Variants in CAST observed in about 807,000 individuals in gnomAD.
The protein encoded by CAST is MIR583 host.
A neutral mutation model predicts 119.6 loss-of-function variants in CAST; 76 were observed. The observed-to-expected ratio is 0.64, with a 90% CI of 0.53 to 0.77. CAST has a LOEUF of 0.77. Among genes scored for constraint, CAST ranks in the 30% least tolerant of loss-of-function variants. The pLI is 0.00. For missense variants in CAST, 953 were observed against 946.5 expected, an observed-to-expected ratio of 1.01 and a Z score of -0.09; for synonymous variants, 319 against 331.6, an observed-to-expected ratio of 0.96 and a Z score of 0.41.
At chr5:96,049,900 A>G in the CAST span, among the ~76,000 whole-genome samples, 3 of 140,288 alleles carry the variant, frequency 2.1e-5, no homozygotes, top group Non-Finnish European at 4.6e-5. Flanking sequence ...AAAAAAAAAA[A>G]AAAAAAAAAA....
intron 1 of CAST, among the ~76,000 whole-genome samples, chr5:96,552,444 T>C (rs1746151624): frequency 6.6e-6 from 1 of 152,168 alleles, no homozygotes; most frequent in African/African-American, 2.4e-5. Flanking sequence ...TTTATAGCAC[T>C]ATATGCCCAC....
chr5:96,467,925 A>G, the CAST span, among the ~76,000 whole-genome samples: 1 of 152,184 alleles, frequency 6.6e-6, no homozygotes, highest in African/African-American at 2.4e-5. Context: ...TTAAAAAGGC[A>G]CCTACATGCC....
chr5:96,608,841 G>A (rs1204278121), intron 1 of CAST, among the ~76,000 whole-genome samples: 3 of 152,110 alleles, frequency 2.0e-5, no homozygotes, highest in African/African-American at 7.2e-5. Context: ...AGAAGAAAGA[G>A]CAGGAGGAGG....
chr5:96,580,816 C>T (rs1020819811), intron 1 of CAST, among the ~76,000 whole-genome samples: 2 of 152,206 alleles, frequency 1.3e-5, no homozygotes, highest in Non-Finnish European at 2.9e-5. Flanking sequence ...ATGTTTCTGT[C>T]TCCTCAAAAA....
chr5:96,044,214 T>C, the CAST span, among the ~76,000 whole-genome samples: 1 of 152,256 alleles, frequency 6.6e-6, no homozygotes, highest in East Asian at 1.9e-4. Flanking sequence ...TGTCCCATTC[T>C]CTTCCTTAAT....
chr5:96,190,484 GC>G, the CAST span, among the ~76,000 whole-genome samples: 1 of 152,066 alleles, frequency 6.6e-6, no homozygotes, highest in African/African-American at 2.4e-5. Flanking sequence ...CTTTGCTGTG[GC>G]CCCTTCTGCT....
At chr5:96,434,799 T>G in the CAST span, among the ~76,000 whole-genome samples, 1 of 152,198 alleles carries the variant, frequency 6.6e-6, no homozygotes, top group Non-Finnish European at 1.5e-5. Context: ...GGCTCTGTAG[T>G]GCTAATTTTT....
the CAST span, among the ~76,000 whole-genome samples, chr5:96,228,272 T>C: frequency 1.3e-5 from 2 of 152,224 alleles, no homozygotes; most frequent in Non-Finnish European, 2.9e-5. Flanking sequence ...TAATTGTCTT[T>C]ATTTCATAGG....
intron 2 of CAST, among the ~76,000 whole-genome samples, chr5:96,685,311 A>G (rs1200711847): frequency 6.6e-6 from 1 of 152,200 alleles, no homozygotes; most frequent in Admixed American, 6.5e-5. Flanking sequence ...ATTATTCCAG[A>G]AATAACATGT....
the CAST span, among the ~76,000 whole-genome samples, chr5:96,298,356 AAATT>A: frequency 6.6e-6 from 1 of 152,210 alleles, no homozygotes; most frequent in African/African-American, 2.4e-5. Flanking sequence ...ACAATCCAAT[AAATT>A]AATCTTTGTT....
At chr5:96,444,640 A>G in the CAST span, among the ~76,000 whole-genome samples, 1 of 152,148 alleles carries the variant, frequency 6.6e-6, no homozygotes, top group African/African-American at 2.4e-5. Context: ...GTTTTATTTT[A>G]TAAATGTTCC....
the CAST span, among the ~76,000 whole-genome samples, chr5:96,176,109 A>G: frequency 6.6e-6 from 1 of 152,186 alleles, no homozygotes; most frequent in Non-Finnish European, 1.5e-5. Context: ...TGAAGGACAA[A>G]GAGAATTTTC....
the CAST span, among the ~76,000 whole-genome samples, chr5:96,399,462 G>C: frequency 6.6e-6 from 1 of 152,096 alleles, no homozygotes; most frequent in Non-Finnish European, 1.5e-5. Flanking sequence ...ACAAGATGTG[G>C]TGTGCTAGAG....
upstream of CAST, chr5:96,529,790 TG>T: frequency 2.3e-6 from 1 of 439,568 alleles, no homozygotes. Flanking sequence ...TCCCCTTTGC[TG>T]GGCATTCATT....
chr5:96,069,141 CTGTATGTATATATGTATACATTGG>C, the CAST span, among the ~76,000 whole-genome samples: 7 of 146,844 alleles, frequency 4.8e-5, no homozygotes, highest in Non-Finnish European at 7.5e-5. Context: ...AAACCAAGAG[CTGTATGTATATATGTATACATTGG>C]TGTATGTATA....
intron 1 of CAST, among the ~76,000 whole-genome samples, chr5:96,656,367 G>A (rs1748158432): frequency 6.6e-6 from 1 of 152,152 alleles, no homozygotes; most frequent in Admixed American, 6.5e-5. Flanking sequence ...TATAGCGTAC[G>A]TCCCAGAACC....
rs1324316131 is a variant in CAST at position 96,765,131 on chromosome 5, T to G, written c.1933-90T>G. ...GTCTTTTTCTTCCAAGGAAACAGGT[T>G]CCCTCCTGAAAAGATGGAGTTCCTG... is the stretch of plus-strand genomic sequence containing the variant. On this transcript the variant is annotated intron_variant, in intron 25 of 31. Coordinates refer to ENST00000675179, the MANE Select transcript of CAST (RefSeq NM_001750.7). The G allele has an allele frequency of 1.6e-5, 12 of 752,934 alleles. No individual in the cohort carries two copies. In the East Asian group the frequency reaches 3.0e-4, roughly 19 times the overall value. 46.6% of individuals were successfully genotyped at this position (752,934 alleles called of 1,614,324 possible).
the CAST span, among the ~76,000 whole-genome samples, chr5:96,234,895 G>A: frequency 6.6e-6 from 1 of 152,074 alleles, no homozygotes; most frequent in Admixed American, 6.6e-5. Flanking sequence ...TATGTAGAAA[G>A]TATGCATTTT....
the CAST span, among the ~76,000 whole-genome samples, chr5:96,295,152 G>T: frequency 3.9e-5 from 6 of 152,086 alleles, no homozygotes; most frequent in Non-Finnish European, 7.4e-5. Context: ...AAATAACTTT[G>T]TTTTTTTCAT....
Sources: allele counts gnomAD v4.1 joint callset (sites outside exome capture counted in the v4.1 genomes callset), GRCh38; gene constraint gnomAD v4.1.1; transcripts MANE v1.5; gene names NCBI Gene and HGNC (gene_info 2026-07-23, HGNC 2026-07-21).